SYT13: variants seen among roughly 807,000 people sequenced by gnomAD.
The protein encoded by SYT13 is synaptotagmin-13.
In SYT13, 21 loss-of-function variants were observed where a neutral mutation model predicts 38.6. The observed-to-expected ratio is 0.54, with a 90% CI of 0.39 to 0.78. The LOEUF is 0.78. SYT13 is among the 30% of genes least tolerant of loss of function. The probability of loss-of-function intolerance (pLI) is 0.00; values close to 1 mark genes in which losing one functional copy is unlikely to be tolerated. For missense variants in SYT13, 495 were observed against 548.7 expected (o/e 0.90, Z 0.98); for synonymous variants, 241 against 237.6 (o/e 1.01, Z -0.13).
intron 5 of SYT13, 134 bp downstream of exon 5, chr11:45,246,249 A>C: frequency 1.5e-6 from 2 of 1,304,798 alleles, no homozygotes; most frequent in Non-Finnish European, 2.1e-6. Context: ...AACACCGCTG[A>C]GCATGGCTCC....
intron 1 of SYT13, among the ~76,000 whole-genome samples, chr11:45,277,192 T>C (rs1287573958): frequency 2.6e-5 from 4 of 152,120 alleles, no homozygotes; most frequent in Non-Finnish European, 5.9e-5. Context: ...GTGTCCAGAA[T>C]AGGCAAATCC....
intron 1 of SYT13, among the ~76,000 whole-genome samples, chr11:45,268,539 C>T (rs1477371872): frequency 6.6e-6 from 1 of 152,168 alleles, no homozygotes; most frequent in Non-Finnish European, 1.5e-5. Flanking sequence ...TTTACCCATT[C>T]GGTTTCATTT....
At chr11:45,257,917 C>G (rs1485059403) in intron 1 of SYT13, among the ~76,000 whole-genome samples, 1 of 152,232 alleles carries the variant, frequency 6.6e-6, no homozygotes, top group Non-Finnish European at 1.5e-5. Context: ...GTAGAGCTTA[C>G]CCCTCTTGTA....
intron 1 of SYT13, among the ~76,000 whole-genome samples, chr11:45,279,992 G>C (rs1431735256): frequency 6.6e-6 from 1 of 152,192 alleles, no homozygotes; most frequent in Non-Finnish European, 1.5e-5. Context: ...ATGGCACCCT[G>C]TGCTTCCCTG....
intron 4 of SYT13, among the ~76,000 whole-genome samples, chr11:45,248,925 T>C (rs933717276): frequency 1.3e-5 from 2 of 152,236 alleles, no homozygotes; most frequent in Non-Finnish European, 2.9e-5. Flanking sequence ...ACTAAAGTAA[T>C]CCTTTCTTTC....
intron 5 of SYT13, among the ~76,000 whole-genome samples, chr11:45,244,919 T>C (rs11601021): frequency 0.25 from 38,758 of 152,118 alleles, 5,618 homozygotes; most frequent in South Asian, 0.34. Context: ...ACCAGGTCCA[T>C]GACAACAGCT....
In SYT13 at chr11:45,266,537, C is replaced by T. The variant is rs184570403; in HGVS notation, c.184-10646G>A. Reference sequence around the variant, plus strand: ...ACACACACACACACACACACACATACACACATCCTAATGTCTGGACAACAG... The same window carrying T: ...ACACACACACACACACACACACATATACACATCCTAATGTCTGGACAACAG... On this transcript the variant is annotated intron_variant, in intron 1 of 5. Transcript: ENST00000020926. Among the ~76,000 whole-genome samples the T allele has an allele frequency of 4.2e-3, 615 of 146,876 alleles. 5 individuals are homozygous for T. The highest frequency in any genetic ancestry group is 0.014 in the African/African-American group (586 of 40,768).
At chr11:45,267,187 T>G (rs1172643215) in intron 1 of SYT13, among the ~76,000 whole-genome samples, 2 of 152,182 alleles carry the variant, frequency 1.3e-5, no homozygotes, top group African/African-American at 4.8e-5. Flanking sequence ...AGAGGGTGCA[T>G]TCAGACCCAG....
chr11:45,250,403 GA>G (rs1259398054), intron 4 of SYT13, among the ~76,000 whole-genome samples: 6 of 152,238 alleles, frequency 3.9e-5, no homozygotes, highest in African/African-American at 1.4e-4. Context: ...GGTATTTGCA[GA>G]ATGAATGAAT....
At chr11:45,285,882 G>A (rs1284359182) in intron 1 of SYT13, 143 bp downstream of exon 1, 9 of 941,320 alleles carry the variant, frequency 9.6e-6, no homozygotes, top group Non-Finnish European at 1.4e-5. Flanking sequence ...TCCTTGACCT[G>A]TCCTCCAACG....
intron 1 of SYT13, among the ~76,000 whole-genome samples, chr11:45,270,597 A>G (rs1181435965): frequency 6.6e-6 from 1 of 152,222 alleles, no homozygotes; most frequent in Non-Finnish European, 1.5e-5. Flanking sequence ...ATTCAAGGTT[A>G]TCCTTATAAT....
chr11:45,264,303 T>C lies in SYT13; in HGVS notation c.184-8412A>G, dbSNP rs138566275. Among the ~76,000 whole-genome samples, 573 of 152,320 alleles carry C rather than the reference T, an allele frequency of 3.8e-3. 10 individuals carry two copies. Among genetic ancestry groups the C allele is most frequent in the African/African-American group, 0.013 (559 of 41,576 alleles). On this transcript the variant is annotated intron_variant, in intron 1 of 5. Transcript: ENST00000020926. ...TTGTATAATCCCCTGTCCTTGAGTA[T>C]GGGCTGGACCTAGTGACTTGCTTCG... is the stretch of plus-strand genomic sequence containing the variant.
intron 1 of SYT13, among the ~76,000 whole-genome samples, chr11:45,285,134 C>T: frequency 6.6e-6 from 1 of 152,218 alleles, no homozygotes; most frequent in Non-Finnish European, 1.5e-5. Flanking sequence ...TCTAGCAGGA[C>T]TCTTTGCCTC....
At chr11:45,251,332 T>G (rs1348862503) in intron 4 of SYT13, among the ~76,000 whole-genome samples, 2 of 132,684 alleles carry the variant, frequency 1.5e-5, no homozygotes, top group African/African-American at 2.9e-5. Context: ...GAGGTTGCAG[T>G]GAGCCGAGAT....
chr11:45,252,655 G>A lies in SYT13; in HGVS notation c.612C>T (p.Gly204=). 1.2e-6 allele frequency: 2 copies of A among 1,612,584 alleles called. No homozygotes were observed. Among genetic ancestry groups the A allele is most frequent in the African/African-American group, 1.3e-5 (1 of 75,042 alleles). ...YVQGSVANRT[G]SVEAQTALKK... ...TTAGGGCTGTCTGAGCCTCCACAGAGCCGGTCCTATTGGCCACACTCCCTT... is the reference window on the plus strand; with the variant it reads ...TTAGGGCTGTCTGAGCCTCCACAGAACCGGTCCTATTGGCCACACTCCCTT... The change falls in exon 4 of 6, where the codon GGC becomes GGT. Residue 204 remains glycine (G), a synonymous_variant. Coordinates refer to ENST00000020926, the MANE Select transcript of SYT13 (RefSeq NM_020826.3). The surrounding 1 kb of genome is among the most constrained non-coding windows in gnomAD (Gnocchi z 4.3).
At chr11:45,255,996 GA>G in intron 1 of SYT13, 105 bp from the exon 2 acceptor site, 1 of 1,195,358 alleles carries the variant, frequency 8.4e-7, no homozygotes, top group Non-Finnish European at 1.2e-6. Flanking sequence ...GATGCAGAGG[GA>G]GAGTTGTGGT....
At chr11:45,278,951 T>C (rs61554668) in intron 1 of SYT13, among the ~76,000 whole-genome samples, 12,264 of 152,312 alleles carry the variant, frequency 0.081, 1,309 homozygotes, top group African/African-American at 0.24. Context: ...TGGAGGGCCC[T>C]GGGCTGCACC....
intron 1 of SYT13, among the ~76,000 whole-genome samples, chr11:45,273,102 A>G (rs1854970003): frequency 6.6e-6 from 1 of 152,226 alleles, no homozygotes; most frequent in South Asian, 2.1e-4. Context: ...GGAGAGTTTC[A>G]TAAAGCAGGT....
At chr11:45,283,104 C>T (rs1166192774) in intron 1 of SYT13, among the ~76,000 whole-genome samples, 3 of 152,212 alleles carry the variant, frequency 2.0e-5, no homozygotes, top group African/African-American at 4.8e-5. Context: ...GCCGTGATCA[C>T]ACCACTGCAC....
Sources: allele counts gnomAD v4.1 joint callset (sites outside exome capture counted in the v4.1 genomes callset), GRCh38; gene constraint gnomAD v4.1.1; non-coding constraint Gnocchi (gnomAD v3.1); transcripts MANE v1.5; gene names NCBI Gene and HGNC (gene_info 2026-07-23, HGNC 2026-07-21).